Variants in SLC18A2 observed in about 807,000 individuals in gnomAD.
SLC18A2 encodes the protein solute carrier family 18 member A2.
In SLC18A2, 33 loss-of-function variants were observed where a neutral mutation model predicts 59.2. The observed-to-expected ratio is 0.56, with a 90% CI of 0.42 to 0.75. SLC18A2 has a LOEUF of 0.75. SLC18A2 is among the 30% of genes least tolerant of loss of function. SLC18A2 has a pLI of 0.00. For missense variants in SLC18A2, 569 were observed against 668.6 expected, an observed-to-expected ratio of 0.85 and a Z score of 1.64; for synonymous variants, 228 against 253.5, an observed-to-expected ratio of 0.90 and a Z score of 0.95.
intron 10 of SLC18A2, among the ~76,000 whole-genome samples, chr10:117,265,443 C>G (rs61872386): frequency 2.0e-5 from 3 of 152,082 alleles, no homozygotes; most frequent in Non-Finnish European, 4.4e-5. Flanking sequence ...TTATGCAGTC[C>G]TCTGATTGAG....
rs564623340 is a variant in SLC18A2 at position 117,254,242 on chromosome 10, G to A, written c.607+111G>A. On this transcript the variant is annotated intron_variant, in intron 5 of 15. Transcript: ENST00000644641. ...GGTTGGGGTGCTGGGGATTCTTGGA[G>A]AAGGCACCCACTTTCCTCTTGGGTT... 117 of 1,222,982 alleles carry A rather than the reference G, an allele frequency of 9.6e-5. 1 individual carries two copies. The East Asian group carries it at 2.7e-3, about 29-fold the overall frequency. 75.8% of individuals were successfully genotyped at this position (1,222,982 alleles called of 1,614,324 possible).
intron 15 of SLC18A2, among the ~76,000 whole-genome samples, chr10:117,276,130 A>AG (rs1472171671): frequency 2.0e-5 from 3 of 151,790 alleles, no homozygotes. Flanking sequence ...CTCTACAAAA[A>AG]AAAAAAAATT....
intron 2 of SLC18A2, among the ~76,000 whole-genome samples, chr10:117,242,565 A>C (rs1346743987): frequency 1.3e-5 from 2 of 152,068 alleles, no homozygotes; most frequent in African/African-American, 4.8e-5. Context: ...AGAGCATCTG[A>C]TAGGTTTCAT....
At chr10:117,265,626 G>A (rs976149763) in intron 10 of SLC18A2, among the ~76,000 whole-genome samples, 3 of 152,144 alleles carry the variant, frequency 2.0e-5, no homozygotes, top group South Asian at 2.1e-4. Context: ...ACCAGACACA[G>A]CTGATGTGGA....
At chr10:117,246,733 A>G (rs1844114210) in intron 3 of SLC18A2, among the ~76,000 whole-genome samples, 1 of 151,986 alleles carries the variant, frequency 6.6e-6, no homozygotes, top group Admixed American at 6.6e-5. Flanking sequence ...GCTCACTGCA[A>G]CCTCCACCTC....
Position 117,254,022 on chromosome 10 carries a change from C to T in SLC18A2, c.524-26C>T, listed in dbSNP as rs539445828. The T allele has an allele frequency of 2.2e-5, 36 of 1,606,652 alleles. No individual in the cohort carries two copies. In the East Asian group the frequency reaches 6.7e-4, roughly 30 times the overall value. ...GTTGTGTCCCAGCAGCACTGATGTG[C>T]GGTCTTGGACCCCCTCTCTCGGCAG... On this transcript the variant is annotated intron_variant, in intron 4 of 15. Transcript: ENST00000644641.
chr10:117,262,673 GTTTA>G (rs1446502329), intron 10 of SLC18A2, among the ~76,000 whole-genome samples: 2 of 151,928 alleles, frequency 1.3e-5, no homozygotes, highest in Non-Finnish European at 2.9e-5. Context: ...GCTCTTATTT[GTTTA>G]TTTATTTTTA....
intron 12 of SLC18A2, 45 bp downstream of exon 12, chr10:117,267,080 A>T (rs1209473546): frequency 6.8e-7 from 1 of 1,481,050 alleles, no homozygotes; most frequent in Non-Finnish European, 9.4e-7. Flanking sequence ...ATCTGTGAAT[A>T]AAACTTGCGC....
At chr10:117,270,020 T>C in intron 13 of SLC18A2, 51 bp from the exon 14 acceptor site, 1 of 1,602,996 alleles carries the variant, frequency 6.2e-7, no homozygotes, top group Non-Finnish European at 8.5e-7. Context: ...ATTCGGCCCA[T>C]TTTGGGTTTA....
chr10:117,244,603 C>T (rs532746969), intron 3 of SLC18A2, among the ~76,000 whole-genome samples: 3 of 152,354 alleles, frequency 2.0e-5, no homozygotes, highest in South Asian at 2.1e-4. Context: ...TGCCAGGTTT[C>T]GTAAGTGCAT....
intron 10 of SLC18A2, among the ~76,000 whole-genome samples, chr10:117,258,346 T>C (rs1225965232): frequency 6.6e-6 from 1 of 152,226 alleles, no homozygotes; most frequent in African/African-American, 2.4e-5. Flanking sequence ...CTCATCTTTC[T>C]CCCTCCCCCA....
chr10:117,273,054 A>G (rs1260248038), intron 15 of SLC18A2, among the ~76,000 whole-genome samples: 8 of 152,248 alleles, frequency 5.3e-5, no homozygotes, highest in Non-Finnish European at 1.0e-4. Flanking sequence ...TCATTCTTCC[A>G]TTAGACAGCA....
intron 3 of SLC18A2, among the ~76,000 whole-genome samples, chr10:117,251,816 G>A (rs976888775): frequency 2.0e-5 from 3 of 152,262 alleles, no homozygotes; most frequent in African/African-American, 7.2e-5. Flanking sequence ...GATAAGTAAT[G>A]ACAGATATCA....
chr10:117,241,847 C>T (rs1274985471), intron 2 of SLC18A2, 33 bp downstream of exon 2: 12 of 1,571,264 alleles, frequency 7.6e-6, no homozygotes, highest in Admixed American at 3.5e-5. Flanking sequence ...TGCCCCGGCA[C>T]CCCAGCCCCA....
At chr10:117,243,553 G>A (rs1207337611) in intron 2 of SLC18A2, among the ~76,000 whole-genome samples, 1 of 152,130 alleles carries the variant, frequency 6.6e-6, no homozygotes, top group Non-Finnish European at 1.5e-5. Flanking sequence ...ACCTCTTCTG[G>A]CATTTGACAC....
chr10:117,276,613 C>CAAAAAAAAAAAAAAA (rs1161850365), intron 15 of SLC18A2, among the ~76,000 whole-genome samples: 8 of 46,682 alleles, frequency 1.7e-4, no homozygotes, highest in Non-Finnish European at 2.5e-4. Flanking sequence ...GACTTCATCT[C>CAAAAAAAAAAAAAAA]AAAAAAAAAA....
chr10:117,244,417 T>C (rs1844089437), intron 3 of SLC18A2, 104 bp downstream of exon 3: 6 of 1,105,000 alleles, frequency 5.4e-6, no homozygotes, highest in Non-Finnish European at 6.4e-6. Flanking sequence ...GTCTGGAAAA[T>C]CCATGGTGGG....
At position 117,255,708 on chromosome 10, in the gene SLC18A2, G is replaced by A. The variant is rs377336666; in HGVS notation, c.895+51G>A. On this transcript the variant is annotated intron_variant, in intron 9 of 15. Transcript: ENST00000644641. ...CAGGGGAATGCGAGGTGATGGCCGC[G>A]TGCTGGAGGCAGGGGTGGATGGCCA... 58 of 1,557,424 alleles carry A rather than the reference G, an allele frequency of 3.7e-5. No homozygotes were observed. The African/African-American group carries it at 5.5e-4, about 15-fold the overall frequency.
In SLC18A2 at chr10:117,267,664, C is replaced by T; in HGVS notation, c.1123-9C>T. The T allele has an allele frequency of 6.4e-7, 1 of 1,556,090 alleles. No homozygotes were observed. Among genetic ancestry groups the T allele is most frequent in the Non-Finnish European group, 8.8e-7 (1 of 1,135,506 alleles). ...GTTATTTTAGCATAATGTTTATTTC[C>T]TCTTACAGATTCCATTTGCAAAAAA... On this transcript the variant is annotated splice_polypyrimidine_tract_variant and intron_variant, in intron 12 of 15. Coordinates refer to ENST00000644641, the MANE Select transcript of SLC18A2 (RefSeq NM_003054.6).
Sources: allele counts gnomAD v4.1 joint callset (sites outside exome capture counted in the v4.1 genomes callset), GRCh38; gene constraint gnomAD v4.1.1; transcripts MANE v1.5; gene names NCBI Gene and HGNC (gene_info 2026-07-23, HGNC 2026-07-21).